PMPCA: variants seen among roughly 807,000 people sequenced by gnomAD.
The protein encoded by PMPCA is mitochondrial-processing peptidase subunit alpha.
Under a neutral mutation model 59.3 loss-of-function variants are expected in PMPCA, and 47 were observed. That is an observed-to-expected ratio of 0.79 (90% CI 0.63 to 1.01). The LOEUF (loss-of-function observed/expected upper bound fraction) is 1.01. Among genes scored for constraint, PMPCA ranks in the 50% least tolerant of loss-of-function variants. The probability of loss-of-function intolerance (pLI) is 0.00; values close to 1 mark genes in which losing one functional copy is unlikely to be tolerated. For synonymous variants in PMPCA, 338 were observed against 290.3 expected (o/e 1.16, Z -1.67); for missense variants, 726 against 704.5 (o/e 1.03, Z -0.34).
Position 136,417,135 on chromosome 9 carries a change from G to T in PMPCA, c.818G>T (p.Gly273Val), listed in dbSNP as rs1564422331. 8 of 1,613,420 alleles carry T rather than the reference G, an allele frequency of 5.0e-6. No individual in the cohort carries two copies. Among genetic ancestry groups the T allele is most frequent in the Middle Eastern group, 1.6e-4 (1 of 6,062 alleles). The change falls in exon 7 of 13, where the codon GGG becomes GTG. Residue 273 changes from glycine (G) to valine (V), a missense_variant. Gly to Val is a moderately radical substitution (Grantham distance 109). Coordinates refer to ENST00000371717, the MANE Select transcript of PMPCA (RefSeq NM_015160.3). Reference protein sequence around the residue: ...LVDCARKYLLGVQPAWGSAEA... With the variant: ...LVDCARKYLLVVQPAWGSAEA... ...GACTGTGCCCGGAAGTACCTCCTGG[G>T]GGTCCAGCCGGCCTGGGGGAGCGCA...
intron 1 of PMPCA, 114 bp from the exon 2 acceptor site, chr9:136,411,883 G>A (rs1835129416): frequency 1.4e-6 from 1 of 700,590 alleles, no homozygotes; most frequent in Non-Finnish European, 2.6e-6. Flanking sequence ...AAGTCCTGTA[G>A]AAAGGCAGAT....
Position 136,423,562 on chromosome 9 carries a change from C to T in PMPCA, c.*298C>T. 3 of 349,426 alleles carry T rather than the reference C, an allele frequency of 8.6e-6. No individual in the cohort carries two copies. The highest frequency in any genetic ancestry group is 1.1e-4 in the East Asian group (2 of 18,272). 21.6% of individuals were successfully genotyped at this position (349,426 alleles called of 1,614,324 possible). A position where few individuals can be genotyped will look rare whatever the true frequency, so the allele number is the denominator to read the frequency against. On this transcript the variant is annotated 3_prime_UTR_variant, in exon 13 of 13. Transcript: ENST00000371717. ...CTCCTCGGGCTGTGGGCACATGGGG[C>T]CCCGCAGGTTCCTTGGAGGAGCCCT...
At chr9:136,411,929 C>CACCTA in intron 1 of PMPCA, 68 bp from the exon 2 acceptor site, 1 of 872,780 alleles carries the variant, frequency 1.1e-6, no homozygotes, top group Non-Finnish European at 1.9e-6. Flanking sequence ...TAACTAACCG[C>CACCTA]ACCTAACAGG....
rs371998190 is a variant in PMPCA at position 136,412,457 on chromosome 9, G to C, written c.275-33G>C. ...TGATTAAATCTTATTTTGAATATCT[G>C]ATGTAACCTGTCAATTTTCTTTTTA... is the stretch of plus-strand genomic sequence containing the variant. On this transcript the variant is annotated intron_variant, in intron 2 of 12. Transcript: ENST00000371717. 11 of 1,009,584 alleles carry C rather than the reference G, an allele frequency of 1.1e-5. No individual in the cohort carries two copies. In the African/African-American group the frequency reaches 1.4e-4, roughly 13 times the overall value. 62.5% of individuals were successfully genotyped at this position (1,009,584 alleles called of 1,614,324 possible). A position where few individuals can be genotyped will look rare whatever the true frequency, so the allele number is the denominator to read the frequency against.
rs368384028 is a variant in PMPCA at position 136,422,330 on chromosome 9, G to T, written c.1408+354G>T. 1.5e-4 allele frequency: 173 copies of T among 1,185,774 alleles called. No homozygotes were observed. The East Asian group carries it at 5.6e-3, about 39-fold the overall frequency. The allele number at this position is 1,185,774 out of a possible 1,614,324, so 73.5% of individuals were successfully genotyped here. A position where few individuals can be genotyped will look rare whatever the true frequency, so the allele number is the denominator to read the frequency against. On this transcript the variant is annotated intron_variant, in intron 12 of 12. Coordinates refer to ENST00000371717, the MANE Select transcript of PMPCA (RefSeq NM_015160.3). ...CTACATTGTACGTGGAGTAGCAGTG[G>T]CTCGGAATGCCGCTGTACCGTTGCT...
rs1835174766 is a variant in PMPCA, at chr9:136,412,894, T to C, written c.437+2T>C. On this transcript the variant is annotated splice_donor_variant, in intron 4 of 12. Coordinates refer to ENST00000371717, the MANE Select transcript of PMPCA (RefSeq NM_015160.3). LOFTEE classifies it high-confidence loss of function. Reference sequence around the variant, plus strand: ...TATCTGTGACTGCCAGACATCAAGGTACACCAGCTTTTGTGTACAAACTGA... The same window carrying C: ...TATCTGTGACTGCCAGACATCAAGGCACACCAGCTTTTGTGTACAAACTGA... 1 of 1,562,668 alleles carries C rather than the reference T, an allele frequency of 6.4e-7. No individual in the cohort carries two copies.
chr9:136,418,166 A>G, intron 8 of PMPCA, 57 bp downstream of exon 8: 3 of 1,247,234 alleles, frequency 2.4e-6, no homozygotes, highest in Non-Finnish European at 3.5e-6. Context: ...CGGCTCAGCC[A>G]GCCCTGCCCT....
intron 11 of PMPCA, chr9:136,420,897 A>C (rs1323674268): frequency 6.6e-6 from 1 of 152,056 alleles, no homozygotes; most frequent in Non-Finnish European, 1.5e-5. Context: ...TTCAAGACTG[A>C]CCTGGGCAAC....
chr9:136,412,288 T>G, intron 2 of PMPCA, 89 bp downstream of exon 2: 1 of 1,004,404 alleles, frequency 1.0e-6, no homozygotes, highest in Non-Finnish European at 1.6e-6. Flanking sequence ...GCATGCCAAT[T>G]ATGAATTGTA....
In PMPCA at chr9:136,423,359, T is replaced by C; in HGVS notation, c.*95T>C. ...CACGAATTTAGTCTAAAAAGCTGTC[T>C]GGTTGTATAAACGGTGCAAACAATG... On this transcript the variant is annotated 3_prime_UTR_variant, in exon 13 of 13. Transcript: ENST00000371717. 7.6e-7 allele frequency: 1 copy of C among 1,318,922 alleles called. No individual in the cohort carries two copies. The highest frequency in any genetic ancestry group is 1.0e-6 in the Non-Finnish European group (1 of 969,626). 81.7% of individuals were successfully genotyped at this position (1,318,922 alleles called of 1,614,324 possible). A position where few individuals can be genotyped will look rare whatever the true frequency, so the allele number is the denominator to read the frequency against.
At chr9:136,412,717 G>A (rs1315987674) in intron 3 of PMPCA, 93 bp from the exon 4 acceptor site, 1 of 842,368 alleles carries the variant, frequency 1.2e-6, no homozygotes, top group African/African-American at 1.7e-5. Flanking sequence ...ATTTTTGTAT[G>A]TGTGTTAAAA....
chr9:136,412,956 TCA>T, intron 4 of PMPCA, 64 bp downstream of exon 4: 1 of 952,638 alleles, frequency 1.0e-6, no homozygotes, highest in Non-Finnish European at 1.7e-6. Flanking sequence ...TTGTCGTTGC[TCA>T]GATTCCCTCT....
chr9:136,418,221 T>C (rs561713288), intron 8 of PMPCA, 112 bp downstream of exon 8: 12 of 790,780 alleles, frequency 1.5e-5, no homozygotes, highest in Middle Eastern at 2.8e-4. Flanking sequence ...CGTGGGCGGC[T>C]CAGCCAGCTC....
At chr9:136,421,171 T>G (rs956582790) in intron 11 of PMPCA, among the ~76,000 whole-genome samples, 34 of 152,362 alleles carry the variant, frequency 2.2e-4, no homozygotes, top group African/African-American at 7.9e-4. Context: ...AACCTGTGTT[T>G]CATTTGTTTT....
rs746463496 is a variant in PMPCA, at chr9:136,417,039, A to C, written c.722A>C (p.Tyr241Ser). 3.1e-6 allele frequency: 5 copies of C among 1,613,702 alleles called. No homozygotes were observed. Among genetic ancestry groups the C allele is most frequent in the Non-Finnish European group, 4.2e-6 (5 of 1,180,014 alleles). Reference protein sequence around the residue: ...AKINREVLHSYLRNYYTPDRM... With the variant: ...AKINREVLHSSLRNYYTPDRM... ...ATCAACCGAGAGGTGCTGCATTCCT[A>C]CCTGAGGAACTACTACACTCCCGAC... The change falls in exon 7 of 13, where the codon TAC (tyrosine) becomes TCC (serine). Residue 241 changes from tyrosine (Y) to serine (S), a missense_variant. Transcript: ENST00000371717.
rs1356303147 is a variant in PMPCA, at chr9:136,412,794, T to C, written c.355-16T>C. The C allele has an allele frequency of 6.6e-7, 1 of 1,512,464 alleles. No individual in the cohort carries two copies. Among genetic ancestry groups the C allele is most frequent in the Non-Finnish European group, 9.2e-7 (1 of 1,088,094 alleles). 93.7% of individuals were successfully genotyped at this position (1,512,464 alleles called of 1,614,324 possible). A position where few individuals can be genotyped will look rare whatever the true frequency, so the allele number is the denominator to read the frequency against. Reference sequence around the variant, plus strand: ...CCTGGATTGCTTATTTAGGTTTCCTTATTTATTTTTACTAGTCTACTGCTC... The same window carrying C: ...CCTGGATTGCTTATTTAGGTTTCCTCATTTATTTTTACTAGTCTACTGCTC... On this transcript the variant is annotated splice_polypyrimidine_tract_variant and intron_variant, in intron 3 of 12. Transcript: ENST00000371717.
At chr9:136,416,543 C>G in intron 6 of PMPCA, 152 bp downstream of exon 6, 1 of 692,348 alleles carries the variant, frequency 1.4e-6, no homozygotes, top group Non-Finnish European at 2.6e-6. Context: ...GGTTTCTCCA[C>G]ATTGCCTACG....
At chr9:136,418,707 C>A (rs752752868) in intron 9 of PMPCA, 34 bp downstream of exon 9, 2 of 1,517,328 alleles carry the variant, frequency 1.3e-6, no homozygotes, top group Non-Finnish European at 1.8e-6. Flanking sequence ...CCTCAGGCCA[C>A]CAGGCCAGGC....
At chr9:136,414,674 A>AAAAC in intron 5 of PMPCA, 27 bp downstream of exon 5, 2 of 1,478,938 alleles carry the variant, frequency 1.4e-6, no homozygotes. Context: ...CTGGCGTTTG[A>AAAAC]GGTGGGCTTG....
Sources: allele counts gnomAD v4.1 joint callset (sites outside exome capture counted in the v4.1 genomes callset), GRCh38; gene constraint gnomAD v4.1.1; transcripts MANE v1.5; gene names NCBI Gene and HGNC (gene_info 2026-07-23, HGNC 2026-07-21).